Variants in NRG1 observed in about 807,000 individuals in gnomAD.
NRG1 encodes neuregulin 1, also known as pro-neuregulin-1, membrane-bound isoform.
NRG1 carries 18 observed loss-of-function variants against 63.8 expected under a neutral mutation model. The observed-to-expected ratio is 0.28, with a 90% CI of 0.19 to 0.42. NRG1 has a LOEUF of 0.42. Ranked by LOEUF, NRG1 falls within the 10% of genes least tolerant of loss-of-function variation. The pLI, the probability that NRG1 is intolerant of heterozygous loss-of-function variation, is 1.00. For missense variants in NRG1, 762 were observed against 814.7 expected (o/e 0.94, Z 0.79); for synonymous variants, 302 against 301.3 (o/e 1.00, Z -0.02).
At chr8:32,564,525 G>A (rs1461418249) in intron 1 of NRG1, among the ~76,000 whole-genome samples, 2 of 152,204 alleles carry the variant, frequency 1.3e-5, no homozygotes, top group Non-Finnish European at 2.9e-5. Flanking sequence ...GATTGTTTCA[G>A]AATTATTTTC....
chr8:32,621,769 T>C (rs1442521985), intron 5 of NRG1, among the ~76,000 whole-genome samples: 1 of 152,230 alleles, frequency 6.6e-6, no homozygotes, highest in Non-Finnish European at 1.5e-5. Context: ...CTCATGGTTA[T>C]CATGAAAACT....
At chr8:32,234,345 C>A (rs1458309550) in intron 1 of NRG1, among the ~76,000 whole-genome samples, 2 of 152,166 alleles carry the variant, frequency 1.3e-5, no homozygotes, top group African/African-American at 4.8e-5. Context: ...AGATACTCTG[C>A]ATTTATGAGC....
chr8:32,367,938 C>T (rs928036060), intron 1 of NRG1, among the ~76,000 whole-genome samples: 1 of 152,156 alleles, frequency 6.6e-6, no homozygotes, highest in Non-Finnish European at 1.5e-5. Context: ...ATCCTTTCCT[C>T]AATGTATGTT....
chr8:32,304,310 G>A (rs753577218), intron 1 of NRG1, among the ~76,000 whole-genome samples: 1 of 152,208 alleles, frequency 6.6e-6, no homozygotes, highest in Admixed American at 6.5e-5. Context: ...ATGAAAATAG[G>A]AAGGCATGGA....
At chr8:31,816,252 C>T (rs1823431797) in intron 1 of NRG1, among the ~76,000 whole-genome samples, 1 of 152,174 alleles carries the variant, frequency 6.6e-6, no homozygotes, top group Admixed American at 6.5e-5. Flanking sequence ...GATGTGTGTC[C>T]CTGTTGTTGG....
intron 1 of NRG1, among the ~76,000 whole-genome samples, chr8:32,521,831 T>C (rs1313115167): frequency 6.6e-6 from 1 of 152,204 alleles, no homozygotes; most frequent in Non-Finnish European, 1.5e-5. Flanking sequence ...TGGTAATGGA[T>C]GTGCCTAACT....
chr8:31,907,297 A>G (rs1832600998), intron 1 of NRG1, among the ~76,000 whole-genome samples: 1 of 151,796 alleles, frequency 6.6e-6, no homozygotes, highest in Non-Finnish European at 1.5e-5. Context: ...GGAATTGATA[A>G]TACTAAATTG....
intron 7 of NRG1, among the ~76,000 whole-genome samples, chr8:32,753,172 A>ACAGCTTACACTGCT (rs1829049524): frequency 6.6e-6 from 1 of 152,206 alleles, no homozygotes; most frequent in African/African-American, 2.4e-5. Flanking sequence ...CATAATGGCA[A>ACAGCTTACACTGCT]GTGAACAGCT....
chr8:32,459,606 A>T (rs1348668373), intron 1 of NRG1, among the ~76,000 whole-genome samples: 17 of 150,488 alleles, frequency 1.1e-4, no homozygotes, highest in South Asian at 2.1e-4. Context: ...TTCTAATTAA[A>T]AAAAAAAAAA....
chr8:32,512,745 TG>T (rs1191159515), intron 1 of NRG1, among the ~76,000 whole-genome samples: 2 of 152,184 alleles, frequency 1.3e-5, no homozygotes, highest in African/African-American at 4.8e-5. Flanking sequence ...ATTGCCTTCC[TG>T]GTACAATGGA....
intron 5 of NRG1, among the ~76,000 whole-genome samples, chr8:32,628,248 A>G (rs1849647655): frequency 6.6e-6 from 1 of 152,218 alleles, no homozygotes; most frequent in African/African-American, 2.4e-5. Context: ...AGCCTTACAT[A>G]TATCTGAGAG....
intron 1 of NRG1, among the ~76,000 whole-genome samples, chr8:31,663,715 G>A (rs1806240855): frequency 6.6e-6 from 1 of 152,266 alleles, no homozygotes; most frequent in Admixed American, 6.5e-5. Flanking sequence ...TTAATGGGCA[G>A]GCATGTAGAT....
chr8:31,647,036 G>A (rs1345212416), intron 1 of NRG1, among the ~76,000 whole-genome samples: 1 of 152,198 alleles, frequency 6.6e-6, no homozygotes, highest in Non-Finnish European at 1.5e-5. Context: ...AAGTACAGAA[G>A]AGTTTTGCTG....
At chr8:31,985,713 C>A (rs1490319870) in intron 1 of NRG1, among the ~76,000 whole-genome samples, 1 of 151,982 alleles carries the variant, frequency 6.6e-6, no homozygotes, top group Non-Finnish European at 1.5e-5. Flanking sequence ...GTGTATGTTT[C>A]TACTACATTA....
intron 1 of NRG1, among the ~76,000 whole-genome samples, chr8:32,571,385 G>T (rs114518064): frequency 1.6e-3 from 249 of 152,184 alleles, no homozygotes; most frequent in African/African-American, 5.8e-3. Context: ...CTTATCAAAG[G>T]TCTGGGCCTA....
intron 1 of NRG1, among the ~76,000 whole-genome samples, chr8:32,177,560 C>T (rs1840928012): frequency 6.6e-6 from 1 of 151,958 alleles, no homozygotes; most frequent in African/African-American, 2.4e-5. Context: ...CATCCCTTGA[C>T]AGGCCCTGAT....
At chr8:31,866,738 C>T (rs1352176308) in intron 1 of NRG1, among the ~76,000 whole-genome samples, 1 of 152,144 alleles carries the variant, frequency 6.6e-6, no homozygotes, top group East Asian at 1.9e-4. Flanking sequence ...TAGGAGCAAA[C>T]TTCATAAAAT....
intron 1 of NRG1, among the ~76,000 whole-genome samples, chr8:32,147,812 G>A (rs189881601): frequency 8.8e-4 from 134 of 152,260 alleles, no homozygotes; most frequent in Non-Finnish European, 1.6e-3. Flanking sequence ...GGTGTTCACT[G>A]AACTACTAAT....
intron 1 of NRG1, among the ~76,000 whole-genome samples, chr8:32,501,355 C>T (rs1827829350): frequency 6.6e-6 from 1 of 152,190 alleles, no homozygotes; most frequent in South Asian, 2.1e-4. Flanking sequence ...TATATCCATA[C>T]AAATATAACC....
Sources: allele counts gnomAD v4.1 joint callset (sites outside exome capture counted in the v4.1 genomes callset), GRCh38; gene constraint gnomAD v4.1.1; transcripts MANE v1.5; gene names NCBI Gene and HGNC (gene_info 2026-07-23, HGNC 2026-07-21).